Variants in SP140L observed in about 807,000 individuals in gnomAD.
SP140L encodes SP140 like nuclear body protein, also known as nuclear body protein SP140-like protein.
In SP140L, 64 loss-of-function variants were observed where a neutral mutation model predicts 84.3. That is an observed-to-expected ratio of 0.76 (90% confidence interval 0.62 to 0.94). The LOEUF is 0.94. Ranked by LOEUF, SP140L falls within the 40% of genes least tolerant of loss-of-function variation. SP140L has a pLI of 0.00. For missense variants in SP140L, 628 were observed against 692.5 expected (o/e 0.91, Z 1.05); for synonymous variants, 242 against 236.9 (o/e 1.02, Z -0.20).
chr2:230,359,957 G>GTTTGGTATTGGTGCTATACCAAACTAAAT, intron 4 of SP140L, among the ~76,000 whole-genome samples: 1 of 152,118 alleles, frequency 6.6e-6, no homozygotes. Flanking sequence ...CCAAACTAAA[G>GTTTGGTATTGGTGCTATACCAAACTAAAT]TTTGGTATTG....
chr2:230,328,232 G>A (rs1221412487), intron 1 of SP140L, among the ~76,000 whole-genome samples: 1 of 152,154 alleles, frequency 6.6e-6, no homozygotes, highest in Admixed American at 6.5e-5. Context: ...TTCAAACAGT[G>A]GAGAAGTGTA....
rs144906290 is a variant in SP140L at position 230,392,786 on chromosome 2, A to G, written c.1107+557A>G. Among the ~76,000 whole-genome samples the G allele has an allele frequency of 2.6e-3, 390 of 152,316 alleles. 3 individuals are homozygous for G. Among genetic ancestry groups the G allele is most frequent in the African/African-American group, 9.1e-3 (379 of 41,568 alleles). ...TGACATTTAAAACAGTATTTTAGACAGCAATGGGGCTTTGAAATGCCTTCA... is the reference window on the plus strand; with the variant it reads ...TGACATTTAAAACAGTATTTTAGACGGCAATGGGGCTTTGAAATGCCTTCA... On this transcript the variant is annotated intron_variant, in intron 12 of 18. Coordinates refer to ENST00000415673, the MANE Select transcript of SP140L (RefSeq NM_138402.6).
chr2:230,343,669 A>G (rs1387514481), intron 2 of SP140L, among the ~76,000 whole-genome samples: 1 of 152,222 alleles, frequency 6.6e-6, no homozygotes, highest in Admixed American at 6.5e-5. Context: ...ACTGTCTTCC[A>G]CAATGGTTGA....
At position 230,396,787 on chromosome 2, in the gene SP140L, G is replaced by T. The variant is rs1173121481; in HGVS notation, c.1186G>T (p.Val396Phe). The T allele has an allele frequency of 1.2e-6, 2 of 1,613,868 alleles. No individual in the cohort carries two copies. Among genetic ancestry groups the T allele is most frequent in the East Asian group, 2.2e-5 (1 of 44,890 alleles). Reference sequence around the variant, plus strand: ...ACTGAAGTCTCAAAACAATAGCTCAGTTGACCCTTGTGTAAGTATAAATTC... The same window carrying T: ...ACTGAAGTCTCAAAACAATAGCTCATTTGACCCTTGTGTAAGTATAAATTC... ...RILKSQNNSS[V>F]DPCMRNLDEC... The change falls in exon 14 of 19, where the codon GTT (valine) becomes TTT (phenylalanine). Residue 396 changes from valine (V) to phenylalanine (F), a missense_variant. Physicochemically the swap from Val to Phe is conservative, Grantham distance 50. Transcript: ENST00000415673.
At chr2:230,385,746 G>C (rs998277449) in intron 9 of SP140L, among the ~76,000 whole-genome samples, 5 of 152,140 alleles carry the variant, frequency 3.3e-5, no homozygotes, top group African/African-American at 9.7e-5. Context: ...GAGTCTTTCT[G>C]ACCAAGTATT....
intron 2 of SP140L, among the ~76,000 whole-genome samples, chr2:230,341,242 TC>T (rs199596344): frequency 0.02 from 2,986 of 146,164 alleles, 57 homozygotes; most frequent in Non-Finnish European, 0.034. Flanking sequence ...TTCATTCATT[TC>T]ATCTTCCATC....
chr2:230,364,269 A>G (rs1003612470), intron 5 of SP140L, among the ~76,000 whole-genome samples: 2 of 152,106 alleles, frequency 1.3e-5, no homozygotes, highest in Admixed American at 1.3e-4. Context: ...CATGTTAAGA[A>G]TATTAATTAA....
At chr2:230,395,758 G>A (rs1053464063) in intron 13 of SP140L, among the ~76,000 whole-genome samples, 2 of 152,190 alleles carry the variant, frequency 1.3e-5, no homozygotes, top group African/African-American at 4.8e-5. Flanking sequence ...GACAAAAGCT[G>A]AGGCTGCCTG....
intron 12 of SP140L, 114 bp downstream of exon 12, chr2:230,392,343 TGAGTTTATCCTCTCACTCAGGAGAGAG>T (rs2061852929): frequency 6.6e-7 from 1 of 1,504,978 alleles, no homozygotes; most frequent in Admixed American, 2.0e-5. Context: ...TTGATGCCAG[TGAGTTTATCCTCTCACTCAGGAGAGAG>T]GGACCCCATA....
At chr2:230,402,276 A>G (rs1183052021) in intron 18 of SP140L, among the ~76,000 whole-genome samples, 2 of 152,208 alleles carry the variant, frequency 1.3e-5, no homozygotes. Flanking sequence ...ATACCCTTCC[A>G]CTATCTGAAT....
At chr2:230,345,963 G>A (rs1235701154) in intron 2 of SP140L, among the ~76,000 whole-genome samples, 1 of 151,992 alleles carries the variant, frequency 6.6e-6, no homozygotes, top group African/African-American at 2.4e-5. Context: ...TACCTTTACT[G>A]GTGAGTTTTG....
In SP140L at chr2:230,403,172, C is replaced by A. The variant is rs2062429658; in HGVS notation, c.*276C>A. 1 of 332,740 alleles carries A rather than the reference C, an allele frequency of 3.0e-6. No homozygotes were observed. The highest frequency in any genetic ancestry group is 5.2e-5 in the Admixed American group (1 of 19,300). 20.6% of individuals were successfully genotyped at this position (332,740 alleles called of 1,614,324 possible). ...CTCACCTCTTCTCCTGAGGTCTGCT[C>A]CAGACAACATTTATTACTCACAAGA... On this transcript the variant is annotated 3_prime_UTR_variant, in exon 19 of 19. Coordinates refer to ENST00000415673, the MANE Select transcript of SP140L (RefSeq NM_138402.6).
rs1420669502 is a variant in SP140L at position 230,369,930 on chromosome 2, C to T, written c.524-978C>T. ...CTGGGATTACAGGCGCACGCCACCA[C>T]ACCCAGCTAATTTTTGTATTTTTAG... On this transcript the variant is annotated intron_variant, in intron 5 of 18. Transcript: ENST00000415673. 4.0e-5 allele frequency among the ~76,000 whole-genome samples: 6 copies of T among 151,766 alleles called. No individual in the cohort carries two copies. In the East Asian group the frequency reaches 5.8e-4, roughly 15 times the overall value.
intron 5 of SP140L, among the ~76,000 whole-genome samples, chr2:230,365,320 A>T (rs2060832407): frequency 6.6e-6 from 1 of 152,026 alleles, no homozygotes; most frequent in African/African-American, 2.4e-5. Context: ...TCTGGATTAC[A>T]TCTCCTTATT....
Position 230,383,585 on chromosome 2 carries a change from C to T in SP140L, c.703+10C>T, listed in dbSNP as rs2061477720. On this transcript the variant is annotated intron_variant, in intron 8 of 18. Transcript: ENST00000415673. Reference sequence around the variant, plus strand: ...AACAACCAACAAAATGGTAAGCAGGCAAAGTGAAGTAGTTACAGCTTTTGA... The same window carrying T: ...AACAACCAACAAAATGGTAAGCAGGTAAAGTGAAGTAGTTACAGCTTTTGA... The T allele has an allele frequency of 6.3e-7, 1 of 1,596,732 alleles. No homozygotes were observed. Among genetic ancestry groups the T allele is most frequent in the Non-Finnish European group, 8.5e-7 (1 of 1,171,408 alleles).
chr2:230,327,752 C>T (rs1052039269), intron 1 of SP140L, among the ~76,000 whole-genome samples: 6 of 152,236 alleles, frequency 3.9e-5, no homozygotes, highest in African/African-American at 1.4e-4. Context: ...GAAATAGACA[C>T]TCCAGGGTAA....
chr2:230,349,133 G>A (rs1053696828), intron 2 of SP140L, among the ~76,000 whole-genome samples: 1 of 152,176 alleles, frequency 6.6e-6, no homozygotes, highest in African/African-American at 2.4e-5. Context: ...TTGTTGAAAA[G>A]ACTATCTTTT....
intron 13 of SP140L, among the ~76,000 whole-genome samples, chr2:230,394,546 G>A (rs867045586): frequency 1.3e-5 from 2 of 152,302 alleles, no homozygotes; most frequent in South Asian, 2.1e-4. Flanking sequence ...CACCTATTCA[G>A]TGAGTACACT....
At chr2:230,364,036 C>T (rs567364862) in intron 5 of SP140L, among the ~76,000 whole-genome samples, 8 of 152,072 alleles carry the variant, frequency 5.3e-5, no homozygotes, top group Non-Finnish European at 8.8e-5. Context: ...CTATTTTATG[C>T]AAGTACCATG....
Sources: gnomAD v4.1 joint callset for allele counts (sites outside exome capture counted in the v4.1 genomes callset) on GRCh38, gnomAD v4.1.1 for gene constraint, MANE v1.5 for transcripts, NCBI Gene and HGNC (gene_info 2026-07-23, HGNC 2026-07-21) for gene names.